Variants in CELF2 observed in about 807,000 individuals in gnomAD.
CELF2 encodes the protein CUGBP Elav-like family member 2.
In CELF2, 8 loss-of-function variants were observed where a neutral mutation model predicts 62.6. That is an observed-to-expected ratio of 0.13 (90% CI 0.07 to 0.23). CELF2 has a LOEUF of 0.23. Ranked by LOEUF, CELF2 falls within the 10% of genes least tolerant of loss-of-function variation. The pLI is 1.00. For missense variants in CELF2, 333 were observed against 671.0 expected (o/e 0.50, Z 5.56); for synonymous variants, 258 against 250.0 (o/e 1.03, Z -0.30).
rs539528990 is a variant in CELF2, at chr10:10,938,907, C to G, written c.89+18908C>G. On this transcript the variant is annotated intron_variant, in intron 2 of 13. Transcript: ENST00000636488. The surrounding 1 kb of genome is among the most constrained non-coding windows in gnomAD (Gnocchi z 4.2). ...TGAAGTCACCCCAGGGGTGTTTGCT[C>G]TTGTGTGCATCTGTCTTTCTCCATG... is the stretch of plus-strand genomic sequence containing the variant. 6.6e-6 allele frequency among the ~76,000 whole-genome samples: 1 copy of G among 152,316 alleles called. No individual in the cohort carries two copies. The highest frequency in any genetic ancestry group is 2.4e-5 in the African/African-American group (1 of 41,572).
chr10:11,312,801 G>T (rs2094640447), intron 9 of CELF2, among the ~76,000 whole-genome samples: 1 of 152,206 alleles, frequency 6.6e-6, no homozygotes, highest in African/African-American at 2.4e-5. Context: ...AGTCATGGTG[G>T]CAGGCGCCTG....
At chr10:11,134,499 C>A (rs1382300415) in intron 1 of CELF2, among the ~76,000 whole-genome samples, 1 of 152,188 alleles carries the variant, frequency 6.6e-6, no homozygotes, top group South Asian at 2.1e-4. Flanking sequence ...ACTGTGTTCT[C>A]CCTAGGCATC....
At position 11,246,639 on chromosome 10, in the gene CELF2, C is replaced by A. The variant is rs372562574; in HGVS notation, c.355-2514C>A. Among the ~76,000 whole-genome samples, 10 of 152,212 alleles carry A rather than the reference C, an allele frequency of 6.6e-5. No homozygotes were observed. The highest frequency in any genetic ancestry group is 2.4e-4 in the African/African-American group (10 of 41,444). On this transcript the variant is annotated intron_variant, in intron 3 of 12. Transcript: ENST00000633077. The surrounding 1 kb of genome is among the most constrained non-coding windows in gnomAD (Gnocchi z 4.6). Reference sequence around the variant, plus strand: ...CTCATTCTGGAAACTCCTCTCCTCTCATGGCTCCCATGGGACCAGTTGCTC... The same window carrying A: ...CTCATTCTGGAAACTCCTCTCCTCTAATGGCTCCCATGGGACCAGTTGCTC...
chr10:10,927,219 T>A (rs150789488), intron 2 of CELF2: 1 of 152,016 alleles, frequency 6.6e-6, no homozygotes, highest in African/African-American at 2.4e-5. Context: ...AATATCCAGC[T>A]GCTAATGTGA....
At position 11,257,905 on chromosome 10, in the gene CELF2, CA is replaced by C. The variant is rs545220462; in HGVS notation, c.538+34del. On this transcript the variant is annotated intron_variant, in intron 5 of 12. Coordinates refer to ENST00000633077, the MANE Select transcript of CELF2 (RefSeq NM_001326342.2). Reference sequence around the variant, plus strand: ...TGCTGTCTGGAAAGCCTCTCCCCTTCAGTGCTAATTGGAGCTCTGTGTCACA... The same window carrying C: ...TGCTGTCTGGAAAGCCTCTCCCCTTCGTGCTAATTGGAGCTCTGTGTCACA... The C allele has an allele frequency of 3.7e-5, 60 of 1,612,118 alleles. No homozygotes were observed. The African/African-American group carries it at 7.3e-4, about 20-fold the overall frequency.
At chr10:11,122,954 A>G (rs1438894636) in intron 1 of CELF2, among the ~76,000 whole-genome samples, 1 of 152,198 alleles carries the variant, frequency 6.6e-6, no homozygotes, top group East Asian at 1.9e-4. Flanking sequence ...CATCTCTCCG[A>G]AGGGCTAGTC....
chr10:10,794,666 C>T (rs766989576), upstream of CELF2: 9 of 152,022 alleles, frequency 5.9e-5, no homozygotes, highest in Non-Finnish European at 1.0e-4. Flanking sequence ...CCTGTCTTTC[C>T]GGAGCCTTAT....
chr10:10,760,728 C>T, the CELF2 span, among the ~76,000 whole-genome samples: 6 of 151,858 alleles, frequency 4.0e-5, no homozygotes, highest in South Asian at 2.1e-4. Context: ...TCCAAGCAAA[C>T]GAGGAAAAAG....
chr10:11,034,249 A>G (rs1227777480), intron 1 of CELF2, among the ~76,000 whole-genome samples: 1 of 152,182 alleles, frequency 6.6e-6, no homozygotes, highest in Non-Finnish European at 1.5e-5. Flanking sequence ...TTAATAAGGA[A>G]TTTCTTGTTG....
chr10:10,877,903 T>G (rs1181271545), intron 1 of CELF2, among the ~76,000 whole-genome samples: 1 of 152,194 alleles, frequency 6.6e-6, no homozygotes, highest in African/African-American at 2.4e-5. Flanking sequence ...AGAGCATACA[T>G]CTCTTTTATT....
At chr10:11,001,327 G>C (rs1394941774), upstream of CELF2, among the ~76,000 whole-genome samples, 1 of 152,134 alleles carries the variant, frequency 6.6e-6, no homozygotes, top group African/African-American at 2.4e-5. Flanking sequence ...TTTGTGTACT[G>C]TCCCATGCTT....
intron 1 of CELF2, among the ~76,000 whole-genome samples, chr10:11,151,215 T>G (rs2063277525): frequency 6.6e-6 from 1 of 152,246 alleles, no homozygotes; most frequent in Non-Finnish European, 1.5e-5. Flanking sequence ...AATCAAGTTA[T>G]TAAATTTAAA....
the CELF2 span, among the ~76,000 whole-genome samples, chr10:10,664,420 G>A: frequency 6.6e-6 from 1 of 152,122 alleles, no homozygotes; most frequent in Non-Finnish European, 1.5e-5. Context: ...GTTTTCACCT[G>A]GAAAAGTGAA....
At chr10:10,916,207 C>A (rs1185344247) in intron 1 of CELF2, among the ~76,000 whole-genome samples, 2 of 152,152 alleles carry the variant, frequency 1.3e-5, no homozygotes, top group Non-Finnish European at 2.9e-5. Flanking sequence ...CAAATGGTCA[C>A]CTGAAAAGCT....
In CELF2 at chr10:10,825,285, C is replaced by T. The variant is rs1057353768; in HGVS notation, c.53+26468C>T. On this transcript the variant is annotated intron_variant, in intron 1 of 13. Transcript: ENST00000636488. ...AGTGCAGTGGCGCGATCTCGACTCACTGCAAGCTCCGCCTCCCAGGTTCAC... is the reference window on the plus strand; with the variant it reads ...AGTGCAGTGGCGCGATCTCGACTCATTGCAAGCTCCGCCTCCCAGGTTCAC... 2.6e-5 allele frequency among the ~76,000 whole-genome samples: 4 copies of T among 152,232 alleles called. No individual in the cohort carries two copies. In the East Asian group the frequency reaches 5.8e-4, roughly 22 times the overall value.
chr10:10,971,575 G>GTTC (rs2050758501), intron 2 of CELF2, among the ~76,000 whole-genome samples: 1 of 151,898 alleles, frequency 6.6e-6, no homozygotes, highest in Admixed American at 6.6e-5. Context: ...TGTTGTTGTT[G>GTTC]TTTGTTTGTT....
intron 1 of CELF2, among the ~76,000 whole-genome samples, chr10:11,133,314 T>C (rs1564877309): frequency 6.6e-6 from 1 of 152,206 alleles, no homozygotes; most frequent in South Asian, 2.1e-4. Context: ...TGGAATTCTT[T>C]AAACAGAATC....
At position 11,157,120 on chromosome 10, in the gene CELF2, C is replaced by A. The variant is rs1268736502; in HGVS notation, c.75-8366C>A. 6.6e-6 allele frequency among the ~76,000 whole-genome samples: 1 copy of A among 151,966 alleles called. No individual in the cohort carries two copies. The highest frequency in any genetic ancestry group is 1.5e-5 in the Non-Finnish European group (1 of 67,974). ...GCTCCAGGGGGTGGCATTTCAAGAG[C>A]AGGTTGGGGGATGAGGCTGTGTCCC... On this transcript the variant is annotated intron_variant, in intron 1 of 12. Coordinates refer to ENST00000633077, the MANE Select transcript of CELF2 (RefSeq NM_001326342.2). The surrounding 1 kb of genome is among the most constrained non-coding windows in gnomAD (Gnocchi z 4.9).
the CELF2 span, among the ~76,000 whole-genome samples, chr10:10,742,551 G>T: frequency 7.0e-6 from 1 of 143,188 alleles, no homozygotes; most frequent in Non-Finnish European, 1.5e-5. Context: ...ATCCAAGATA[G>T]CACCACAGTA....
Sources: allele counts gnomAD v4.1 joint callset (sites outside exome capture counted in the v4.1 genomes callset), GRCh38; gene constraint gnomAD v4.1.1; non-coding constraint Gnocchi (gnomAD v3.1); transcripts MANE v1.5; gene names NCBI Gene and HGNC (gene_info 2026-07-23, HGNC 2026-07-21).